CCDC13: variants seen among roughly 807,000 people sequenced by gnomAD.
The protein encoded by CCDC13 is coiled-coil domain containing 13.
Under a neutral mutation model 87.3 loss-of-function variants are expected in CCDC13, and 70 were observed. That is an observed-to-expected ratio of 0.80 (90% CI 0.66 to 0.98). The LOEUF is 0.98. CCDC13 is among the 50% of genes least tolerant of loss of function. The pLI, the probability that CCDC13 is intolerant of heterozygous loss-of-function variation, is 0.00. For synonymous variants in CCDC13, 317 were observed against 360.3 expected (o/e 0.88, Z 1.36); for missense variants, 842 against 892.0 (o/e 0.94, Z 0.71).
intron 5 of CCDC13, chr3:42,749,947 G>A (rs1010521841): frequency 2.8e-5 from 13 of 456,442 alleles, no homozygotes; most frequent in Middle Eastern, 3.3e-4. Flanking sequence ...GGCTTGGGCC[G>A]CCCTGAGCAG....
At chr3:42,745,622 A>T in intron 7 of CCDC13, 1 of 229,096 alleles carries the variant, frequency 4.4e-6, no homozygotes, top group East Asian at 8.9e-5. Flanking sequence ...AAATCTACAT[A>T]AACTAAGAAA....
chr3:42,767,181 G>A (rs965292708), intron 1 of CCDC13, among the ~76,000 whole-genome samples: 234 of 148,122 alleles, frequency 1.6e-3, no homozygotes, highest in Admixed American at 0.014. Flanking sequence ...AAAAAAAAAA[G>A]AACAAAAAAA....
Position 42,735,794 on chromosome 3 carries a change from G to C in CCDC13, c.1284C>G (p.Ser428Arg). 6.2e-7 allele frequency: 1 copy of C among 1,614,252 alleles called. No homozygotes were observed. The highest frequency in any genetic ancestry group is 8.5e-7 in the Non-Finnish European group (1 of 1,180,042). Residue 428 changes from serine to arginine, a missense_variant, in exon 10 of 16, where the codon AGC becomes AGG. Physicochemically the swap from Ser to Arg is moderately radical, Grantham distance 110. Coordinates refer to ENST00000310232, the MANE Select transcript of CCDC13 (RefSeq NM_144719.4). ...CCATGGCCTGCAGCTGGGCGACTAGGCTGTTGCTCCGCTGAGCCTCGCTGT... is the reference window on the plus strand; with the variant it reads ...CCATGGCCTGCAGCTGGGCGACTAGCCTGTTGCTCCGCTGAGCCTCGCTGT... ...QLNSEAQRSN[S>R]LVAQLQAMVA... is the part of the protein sequence containing the mutation.
At chr3:42,735,145 C>G (rs1698964814) in intron 10 of CCDC13, among the ~76,000 whole-genome samples, 1 of 152,168 alleles carries the variant, frequency 6.6e-6, no homozygotes, top group South Asian at 2.1e-4. Context: ...TAGGTAAGAC[C>G]TAAAGGCTGA....
At position 42,732,867 on chromosome 3, in the gene CCDC13, C is replaced by G; in HGVS notation, c.1595+20G>C. 1 of 1,544,712 alleles carries G rather than the reference C, an allele frequency of 6.5e-7. No homozygotes were observed. The highest frequency in any genetic ancestry group is 8.8e-7 in the Non-Finnish European group (1 of 1,142,622). On this transcript the variant is annotated intron_variant, in intron 12 of 15. Coordinates refer to ENST00000310232, the MANE Select transcript of CCDC13 (RefSeq NM_144719.4). The stretch of plus-strand genomic sequence containing the variant: ...AGAATGGGAAAAAACTGTGAGAGTC[C>G]GGGGGTCGGGGGTCCATACCTAGGT...
chr3:42,728,069 C>T (rs1698732151), intron 13 of CCDC13, among the ~76,000 whole-genome samples: 1 of 152,326 alleles, frequency 6.6e-6, no homozygotes, highest in Admixed American at 6.5e-5. Context: ...TCATGGTGGA[C>T]TAACCAACTC....
At chr3:42,747,091 G>A (rs534634046) in intron 6 of CCDC13, 166 bp downstream of exon 6, 1 of 753,436 alleles carries the variant, frequency 1.3e-6, no homozygotes, top group African/African-American at 1.7e-5. Context: ...TATGGACCAA[G>A]GGCTGGTGGG....
rs1698212323 is a variant in CCDC13, at chr3:42,707,847, G to C, written c.*1133C>G. Among the ~76,000 whole-genome samples the C allele has an allele frequency of 6.6e-6, 1 of 152,216 alleles. No individual in the cohort carries two copies. Among genetic ancestry groups the C allele is most frequent in the Non-Finnish European group, 1.5e-5 (1 of 68,040 alleles). ...GGCTGTGGGTGCACCTGTGTGGCCAGGGTGTCGGAGTTGGGGTGTGTGGCT... is the reference window on the plus strand; with the variant it reads ...GGCTGTGGGTGCACCTGTGTGGCCACGGTGTCGGAGTTGGGGTGTGTGGCT... On this transcript the variant is annotated 3_prime_UTR_variant, in exon 16 of 16. Coordinates refer to ENST00000310232, the MANE Select transcript of CCDC13 (RefSeq NM_144719.4).
At chr3:42,723,449 A>C (rs1453969835) in intron 13 of CCDC13, among the ~76,000 whole-genome samples, 16 of 152,170 alleles carry the variant, frequency 1.1e-4, no homozygotes, top group Admixed American at 1.0e-3. Context: ...ATAATATCCT[A>C]CCATATTCAC....
chr3:42,760,027 C>T (rs1699795093), intron 1 of CCDC13, among the ~76,000 whole-genome samples: 1 of 152,132 alleles, frequency 6.6e-6, no homozygotes, highest in Admixed American at 6.5e-5. Flanking sequence ...CATGGTGGCT[C>T]ATCCCTGTAA....
Position 42,709,669 on chromosome 3 carries a change from G to A in CCDC13, c.1988+15C>T, listed in dbSNP as rs373480760. Reference sequence around the variant, plus strand: ...GACAACCCTACCCTTTCAGGAAGGCGGGGCAGGGGAGCACCTGGTTGTCAG... The same window carrying A: ...GACAACCCTACCCTTTCAGGAAGGCAGGGCAGGGGAGCACCTGGTTGTCAG... On this transcript the variant is annotated intron_variant, in intron 15 of 15. Coordinates refer to ENST00000310232, the MANE Select transcript of CCDC13 (RefSeq NM_144719.4). 1.2e-5 allele frequency: 19 copies of A among 1,600,706 alleles called. No homozygotes were observed. Among genetic ancestry groups the A allele is most frequent in the Admixed American group, 1.0e-4 (6 of 60,002 alleles).
chr3:42,750,163 C>T (rs1699538367), intron 5 of CCDC13, among the ~76,000 whole-genome samples: 1 of 152,170 alleles, frequency 6.6e-6, no homozygotes, highest in Admixed American at 6.5e-5. Context: ...GTGACTTCAC[C>T]CCAGCTTTTT....
At chr3:42,733,745 C>A (rs753781924) in intron 10 of CCDC13, 136 bp from the exon 11 acceptor site, 6 of 1,116,260 alleles carry the variant, frequency 5.4e-6, no homozygotes, top group African/African-American at 1.6e-5. Flanking sequence ...AAAAGCGAGG[C>A]CTGTTTGGTG....
chr3:42,731,841 T>C (rs1359013932), intron 12 of CCDC13, among the ~76,000 whole-genome samples: 5 of 152,102 alleles, frequency 3.3e-5, no homozygotes, highest in Admixed American at 3.3e-4. Context: ...TCCATGAGGG[T>C]AGGGCCCACA....
intron 12 of CCDC13, chr3:42,732,571 G>A: frequency 2.7e-6 from 1 of 364,662 alleles, no homozygotes. Flanking sequence ...TCCCCTTAGA[G>A]GCTGATTCTC....
intron 13 of CCDC13, among the ~76,000 whole-genome samples, chr3:42,715,444 A>C (rs1698409752): frequency 6.6e-6 from 1 of 152,050 alleles, no homozygotes; most frequent in Non-Finnish European, 1.5e-5. Context: ...CCCCATATCT[A>C]CAACAAAAAA....
chr3:42,721,149 A>T (rs1274761168), intron 13 of CCDC13, among the ~76,000 whole-genome samples: 1 of 152,240 alleles, frequency 6.6e-6, no homozygotes, highest in Admixed American at 6.5e-5. Context: ...TTCTGATATG[A>T]CTTAATGTGT....
intron 3 of CCDC13, among the ~76,000 whole-genome samples, chr3:42,753,147 A>G (rs1201386567): frequency 6.6e-6 from 1 of 152,172 alleles, no homozygotes; most frequent in South Asian, 2.1e-4. Flanking sequence ...GTTAACAGAT[A>G]AGGTGCAGAT....
At chr3:42,762,378 T>C (rs1344237801) in intron 1 of CCDC13, among the ~76,000 whole-genome samples, 1 of 152,248 alleles carries the variant, frequency 6.6e-6, no homozygotes, top group African/African-American at 2.4e-5. Flanking sequence ...TGGACCATCC[T>C]TCCTGATGAG....
Sources: gnomAD v4.1 joint callset for allele counts (sites outside exome capture counted in the v4.1 genomes callset) on GRCh38, gnomAD v4.1.1 for gene constraint, MANE v1.5 for transcripts, NCBI Gene and HGNC (gene_info 2026-07-23, HGNC 2026-07-21) for gene names.